SLC9A9: variants seen among roughly 807,000 people sequenced by gnomAD.
SLC9A9 encodes the protein solute carrier family 9 member A9.
In SLC9A9, 62 loss-of-function variants were observed where a neutral mutation model predicts 77.8. The observed-to-expected ratio is 0.80, with a 90% CI of 0.65 to 0.98. SLC9A9 has a LOEUF of 0.98. SLC9A9 is among the 50% of genes least tolerant of loss of function. The probability of loss-of-function intolerance (pLI) is 0.00; values close to 1 mark genes in which losing one functional copy is unlikely to be tolerated. For synonymous variants in SLC9A9, 320 were observed against 283.5 expected, an observed-to-expected ratio of 1.13 and a Z score of -1.29; for missense variants, 775 against 774.9, an observed-to-expected ratio of 1.00 and a Z score of 0.00.
At chr3:143,444,026 C>A (rs1310338019) in intron 12 of SLC9A9, among the ~76,000 whole-genome samples, 3 of 152,170 alleles carry the variant, frequency 2.0e-5, no homozygotes, top group African/African-American at 7.2e-5. Flanking sequence ...TTCACTCCCC[C>A]ACGGCCACAC....
intron 12 of SLC9A9, among the ~76,000 whole-genome samples, chr3:143,430,086 G>A (rs1403206753): frequency 6.6e-6 from 1 of 152,176 alleles, no homozygotes; most frequent in Non-Finnish European, 1.5e-5. Context: ...ATGCATCTAG[G>A]GGAGAGGGCA....
intron 14 of SLC9A9, among the ~76,000 whole-genome samples, chr3:143,336,993 G>C (rs1001288202): frequency 3.9e-5 from 6 of 152,112 alleles, no homozygotes; most frequent in African/African-American, 1.4e-4. Context: ...TGTTATGGCA[G>C]GGACCATGGT....
At chr3:143,759,548 A>G (rs2007042752) in intron 4 of SLC9A9, among the ~76,000 whole-genome samples, 1 of 152,106 alleles carries the variant, frequency 6.6e-6, no homozygotes, top group African/African-American at 2.4e-5. Flanking sequence ...AGCCCTCTCT[A>G]AATACTTGAT....
intron 4 of SLC9A9, among the ~76,000 whole-genome samples, chr3:143,770,517 A>G (rs1410894368): frequency 6.6e-6 from 1 of 152,130 alleles, no homozygotes; most frequent in African/African-American, 2.4e-5. Context: ...AGTCTGGGGG[A>G]GGGTAAGGTT....
intron 11 of SLC9A9, among the ~76,000 whole-genome samples, chr3:143,469,843 G>C (rs1213917857): frequency 6.6e-6 from 1 of 152,196 alleles, no homozygotes; most frequent in African/African-American, 2.4e-5. Context: ...ATGGCCTATA[G>C]ATAAGGAAGA....
intron 14 of SLC9A9, among the ~76,000 whole-genome samples, chr3:143,275,385 T>C (rs1022175381): frequency 1.2e-4 from 19 of 152,212 alleles, no homozygotes; most frequent in Non-Finnish European, 2.1e-4. Flanking sequence ...AGGTACATTG[T>C]GTGCTCTTTC....
chr3:143,659,649 G>T (rs2038949614), intron 5 of SLC9A9, among the ~76,000 whole-genome samples: 1 of 152,078 alleles, frequency 6.6e-6, no homozygotes, highest in South Asian at 2.1e-4. Flanking sequence ...GAAAGAGAGG[G>T]GTCATATCAT....
chr3:143,380,275 T>A (rs148773042), intron 13 of SLC9A9, among the ~76,000 whole-genome samples: 1 of 152,346 alleles, frequency 6.6e-6, no homozygotes, highest in African/African-American at 2.4e-5. Flanking sequence ...ATGAATGAGA[T>A]AAAATAAAAT....
chr3:143,285,374 T>G (rs1181364404), intron 14 of SLC9A9, among the ~76,000 whole-genome samples: 3 of 152,200 alleles, frequency 2.0e-5, no homozygotes, highest in Non-Finnish European at 4.4e-5. Context: ...AAAATCTCCT[T>G]TAATCCTAGG....
At chr3:143,503,769 C>T in intron 9 of SLC9A9, 1 of 339,384 alleles carries the variant, frequency 2.9e-6, no homozygotes, top group East Asian at 8.4e-5. Flanking sequence ...TTCTATAATG[C>T]TAAAGTTGTC....
intron 6 of SLC9A9, among the ~76,000 whole-genome samples, chr3:143,615,094 A>G (rs2038081977): frequency 6.6e-6 from 1 of 152,182 alleles, no homozygotes; most frequent in African/African-American, 2.4e-5. Context: ...CATGAACAAC[A>G]TATACAAGTC....
chr3:143,582,725 T>G (rs564376339), intron 6 of SLC9A9, among the ~76,000 whole-genome samples: 1 of 152,310 alleles, frequency 6.6e-6, no homozygotes, highest in South Asian at 2.1e-4. Flanking sequence ...CTCAGCTGTG[T>G]GGGCAGGGGT....
At chr3:143,275,781 ATTGT>A (rs1938029235) in intron 14 of SLC9A9, among the ~76,000 whole-genome samples, 1 of 152,050 alleles carries the variant, frequency 6.6e-6, no homozygotes, top group Admixed American at 6.6e-5. Flanking sequence ...GCATGTTTTC[ATTGT>A]TTGTAGGAAC....
At chr3:143,760,785 C>T (rs2007094645) in intron 4 of SLC9A9, among the ~76,000 whole-genome samples, 1 of 152,162 alleles carries the variant, frequency 6.6e-6, no homozygotes, top group Non-Finnish European at 1.5e-5. Context: ...TTTATAGATT[C>T]AATGCCATCC....
At chr3:143,752,067 GT>G (rs1226259947) in intron 4 of SLC9A9, among the ~76,000 whole-genome samples, 1 of 152,188 alleles carries the variant, frequency 6.6e-6, no homozygotes, top group Non-Finnish European at 1.5e-5. Flanking sequence ...CAGGTTCAGA[GT>G]TACTTCAAAG....
At chr3:143,284,460 G>GAATTGATT (rs1405893149) in intron 14 of SLC9A9, among the ~76,000 whole-genome samples, 1 of 150,556 alleles carries the variant, frequency 6.6e-6, no homozygotes, top group Non-Finnish European at 1.5e-5. Flanking sequence ...TGGGAAGGCT[G>GAATTGATT]AATTGATTGT....
At chr3:143,351,649 A>T (rs1332391147) in intron 14 of SLC9A9, among the ~76,000 whole-genome samples, 2 of 152,204 alleles carry the variant, frequency 1.3e-5, no homozygotes, top group Admixed American at 6.5e-5. Flanking sequence ...TCAATAAGGC[A>T]TATCTCTGGA....
chr3:143,547,942 C>T (rs939664488), intron 9 of SLC9A9, among the ~76,000 whole-genome samples: 4 of 152,182 alleles, frequency 2.6e-5, no homozygotes, highest in African/African-American at 9.7e-5. Flanking sequence ...GTACCTTGAG[C>T]AATGGCTGGC....
intron 14 of SLC9A9, among the ~76,000 whole-genome samples, chr3:143,282,652 G>C (rs758052576): frequency 1.3e-5 from 2 of 152,134 alleles, no homozygotes; most frequent in Non-Finnish European, 2.9e-5. Context: ...AATGGTAATG[G>C]ACTCTCTGGA....
Sources: allele counts gnomAD v4.1 joint callset (sites outside exome capture counted in the v4.1 genomes callset), GRCh38; gene constraint gnomAD v4.1.1; transcripts MANE v1.5; gene names NCBI Gene and HGNC (gene_info 2026-07-23, HGNC 2026-07-21).